NEDD4L: variants seen among roughly 807,000 people sequenced by gnomAD.
NEDD4L encodes E3 ubiquitin-protein ligase NEDD4-like.
A neutral mutation model predicts 148.9 loss-of-function variants in NEDD4L; 54 were observed. The ratio of observed to expected loss-of-function variants is 0.36; its 90% CI spans 0.29 to 0.45. The LOEUF (loss-of-function observed/expected upper bound fraction) is 0.45, where lower values mean the gene tolerates loss of function less well. Ranked by LOEUF, NEDD4L falls within the 20% of genes least tolerant of loss-of-function variation. The pLI, the probability that NEDD4L is intolerant of heterozygous loss-of-function variation, is 1.00. For missense variants in NEDD4L, 856 were observed against 1,233.8 expected (o/e 0.69, Z 4.59); for synonymous variants, 433 against 440.7 (o/e 0.98, Z 0.22).
At chr18:58,122,335 A>ATGTACCCTCACTTTCTAACATCAACTC (rs2030093496) in intron 1 of NEDD4L, among the ~76,000 whole-genome samples, 1 of 152,170 alleles carries the variant, frequency 6.6e-6, no homozygotes, top group African/African-American at 2.4e-5. Context: ...CCCCGTCTCT[A>ATGTACCCTCACTTTCTAACATCAACTC]CTAAAAATAC....
intron 2 of NEDD4L, among the ~76,000 whole-genome samples, chr18:58,222,120 C>T (rs570214112): frequency 2.0e-5 from 3 of 152,192 alleles, no homozygotes; most frequent in South Asian, 2.1e-4. Context: ...AAACAGAGAC[C>T]GCTGAAGTTC....
chr18:58,116,445 A>G (rs889341670), intron 1 of NEDD4L, among the ~76,000 whole-genome samples: 1 of 152,196 alleles, frequency 6.6e-6, no homozygotes, highest in Non-Finnish European at 1.5e-5. Context: ...GATCTGCTGC[A>G]TCAGAGTTTA....
intron 2 of NEDD4L, among the ~76,000 whole-genome samples, chr18:58,184,352 G>GTGGTTTTGAAATGGAGCAGAGA (rs2039208937): frequency 6.6e-6 from 1 of 151,826 alleles, no homozygotes; most frequent in South Asian, 2.1e-4. Flanking sequence ...CCTGCTTGGT[G>GTGGTTTTGAAATGGAGCAGAGA]TGGTTTTGAA....
intron 5 of NEDD4L, among the ~76,000 whole-genome samples, chr18:58,261,719 T>C (rs1196653966): frequency 6.6e-6 from 1 of 152,238 alleles, no homozygotes; most frequent in African/African-American, 2.4e-5. Flanking sequence ...TGAATATTTC[T>C]GTATAGTTGA....
chr18:58,346,937 G>A (rs1345817155), intron 16 of NEDD4L, among the ~76,000 whole-genome samples: 1 of 152,024 alleles, frequency 6.6e-6, no homozygotes, highest in East Asian at 1.9e-4. Flanking sequence ...CTCCTTGAGT[G>A]GCTCGGTGGG....
intron 5 of NEDD4L, among the ~76,000 whole-genome samples, chr18:58,280,493 A>G (rs1397766323): frequency 6.6e-6 from 1 of 152,194 alleles, no homozygotes; most frequent in Non-Finnish European, 1.5e-5. Flanking sequence ...GCTGGGTGCG[A>G]AGACCAGATG....
intron 2 of NEDD4L, among the ~76,000 whole-genome samples, chr18:58,172,794 G>A (rs1349913151): frequency 1.3e-5 from 2 of 152,212 alleles, no homozygotes; most frequent in African/African-American, 2.4e-5. Context: ...GATCAAACAA[G>A]GGTATAGGGA....
At chr18:58,122,003 A>C (rs898854734) in intron 1 of NEDD4L, among the ~76,000 whole-genome samples, 1 of 152,226 alleles carries the variant, frequency 6.6e-6, no homozygotes, top group Non-Finnish European at 1.5e-5. Context: ...GAACTTGAGA[A>C]ATTTCAACTC....
At chr18:58,250,959 A>G (rs1040807492) in intron 4 of NEDD4L, among the ~76,000 whole-genome samples, 1 of 152,176 alleles carries the variant, frequency 6.6e-6, no homozygotes, top group Non-Finnish European at 1.5e-5. Context: ...GCAAAAAGAT[A>G]TGGAAAGCCC....
intron 2 of NEDD4L, among the ~76,000 whole-genome samples, chr18:58,237,051 C>T (rs907686584): frequency 1.6e-4 from 23 of 146,006 alleles, no homozygotes; most frequent in South Asian, 1.1e-3. Context: ...ATAATAATAA[C>T]AACAATAATT....
chr18:58,105,761 G>A (rs1033890722), intron 1 of NEDD4L, among the ~76,000 whole-genome samples: 1 of 152,116 alleles, frequency 6.6e-6, no homozygotes, highest in Non-Finnish European at 1.5e-5. Flanking sequence ...CTACATCTTA[G>A]TTTTACTCCA....
rs1261741038 is a variant in NEDD4L at position 58,225,215 on chromosome 18, T to C, written c.123-20212T>C. ...GTGGAACTGCAGGTCCCTGGAGAGA[T>C]GATGCATTTATCCCTTTTTAGAGAT... On this transcript the variant is annotated intron_variant, in intron 2 of 30. Transcript: ENST00000400345. Among the ~76,000 whole-genome samples, 8 of 152,194 alleles carry C rather than the reference T, an allele frequency of 5.3e-5. 1 individual carries two copies. Among genetic ancestry groups the C allele is most frequent in the African/African-American group, 1.9e-4 (8 of 41,444 alleles).
intron 24 of NEDD4L, among the ~76,000 whole-genome samples, chr18:58,376,055 C>T (rs185794133): frequency 8.5e-5 from 13 of 152,240 alleles, no homozygotes; most frequent in African/African-American, 2.9e-4. Flanking sequence ...AAAGTCTTTT[C>T]GTAGATTCAT....
chr18:58,224,612 G>A (rs2044149282), intron 2 of NEDD4L, among the ~76,000 whole-genome samples: 2 of 152,224 alleles, frequency 1.3e-5, no homozygotes, highest in Non-Finnish European at 2.9e-5. Flanking sequence ...GCACCGTCCT[G>A]TGTGGTATTA....
chr18:58,222,356 A>C (rs1303531789), intron 2 of NEDD4L, among the ~76,000 whole-genome samples: 1 of 152,274 alleles, frequency 6.6e-6, no homozygotes, highest in East Asian at 1.9e-4. Flanking sequence ...TGGTAGCAAC[A>C]GAAATCTTTC....
intron 1 of NEDD4L, 133 bp downstream of exon 1, chr18:58,044,841 C>T (rs543492573): frequency 7.0e-6 from 8 of 1,140,046 alleles, no homozygotes; most frequent in East Asian, 3.1e-5. Flanking sequence ...GCGGGAGCGC[C>T]CCGGAGCGGG....
intron 9 of NEDD4L, among the ~76,000 whole-genome samples, chr18:58,327,423 C>G (rs575022243): frequency 6.6e-6 from 1 of 152,276 alleles, no homozygotes; most frequent in South Asian, 2.1e-4. Context: ...AATCCAAGTT[C>G]GGGCTCACAT....
At chr18:58,346,305 C>T (rs989286142) in intron 16 of NEDD4L, among the ~76,000 whole-genome samples, 17 of 152,142 alleles carry the variant, frequency 1.1e-4, no homozygotes, top group Non-Finnish European at 2.1e-4. Context: ...GCAATAAATG[C>T]TTATTGGAGC....
At chr18:58,119,614 G>C (rs1473703642) in intron 1 of NEDD4L, among the ~76,000 whole-genome samples, 1 of 152,224 alleles carries the variant, frequency 6.6e-6, no homozygotes, top group Non-Finnish European at 1.5e-5. Flanking sequence ...AAGCGGTGTA[G>C]CTTTATAACA....
Sources: allele counts gnomAD v4.1 joint callset (sites outside exome capture counted in the v4.1 genomes callset), GRCh38; gene constraint gnomAD v4.1.1; transcripts MANE v1.5; gene names NCBI Gene and HGNC (gene_info 2026-07-23, HGNC 2026-07-21).